Variants in CLSTN2 observed in about 807,000 individuals in gnomAD.
CLSTN2 encodes calsyntenin 2.
In CLSTN2, 48 loss-of-function variants were observed where a neutral mutation model predicts 101.2. The observed-to-expected ratio is 0.47, with a 90% confidence interval of 0.38 to 0.60. The LOEUF (loss-of-function observed/expected upper bound fraction) is 0.60. CLSTN2 is among the 20% of genes least tolerant of loss of function. CLSTN2 has a pLI of 0.00. For missense variants in CLSTN2, 1,160 were observed against 1,238.2 expected (o/e 0.94, Z 0.95); for synonymous variants, 481 against 463.6 (o/e 1.04, Z -0.48).
intron 2 of CLSTN2, among the ~76,000 whole-genome samples, chr3:140,344,343 A>G (rs1468232470): frequency 3.9e-5 from 6 of 152,330 alleles, no homozygotes; most frequent in South Asian, 2.1e-4. Context: ...ACAAGCACAC[A>G]TTAAGCCTGT....
At chr3:140,289,001 TG>T (rs2086924701) in intron 2 of CLSTN2, among the ~76,000 whole-genome samples, 1 of 152,168 alleles carries the variant, frequency 6.6e-6, no homozygotes, top group African/African-American at 2.4e-5. Flanking sequence ...GCTCTTTTGC[TG>T]CGTTGATTAT....
chr3:140,219,175 T>G (rs1232315737), intron 2 of CLSTN2, among the ~76,000 whole-genome samples: 2 of 152,070 alleles, frequency 1.3e-5, no homozygotes, highest in Non-Finnish European at 2.9e-5. Context: ...GTTGGAGACA[T>G]GTGTGCCTGC....
chr3:140,376,561 CTGA>C, intron 2 of CLSTN2, among the ~76,000 whole-genome samples: 2 of 152,330 alleles, frequency 1.3e-5, no homozygotes, highest in South Asian at 4.1e-4. Flanking sequence ...AGTCTTCCTT[CTGA>C]TAGGTAAACT....
At chr3:140,469,500 A>AATGTG (rs1933785012) in intron 8 of CLSTN2, among the ~76,000 whole-genome samples, 1 of 152,118 alleles carries the variant, frequency 6.6e-6, no homozygotes, top group Non-Finnish European at 1.5e-5. Context: ...TGATGCCCAG[A>AATGTG]ATGTGCATAC....
chr3:140,480,196 T>C (rs113112834), intron 8 of CLSTN2, among the ~76,000 whole-genome samples: 12,203 of 151,932 alleles, frequency 0.08, 633 homozygotes, highest in Non-Finnish European at 0.11. Flanking sequence ...ACATGCAGTG[T>C]TTGGTTTTTT....
intron 2 of CLSTN2, among the ~76,000 whole-genome samples, chr3:140,241,908 T>C (rs12630697): frequency 0.88 from 119,862 of 136,696 alleles, 53,426 homozygotes; most frequent in East Asian, 1. Flanking sequence ...CACACACATA[T>C]ATATATATAT....
chr3:140,566,154 A>AGAG lies in CLSTN2; in HGVS notation c.2784_2786dup (p.Glu929dup), dbSNP rs10573488. The AGAG allele has an allele frequency of 1.9e-6, 3 of 1,611,120 alleles. No homozygotes were observed. The highest frequency in any genetic ancestry group is 2.5e-6 in the Non-Finnish European group (3 of 1,177,562). On this transcript the variant is annotated inframe_insertion, in exon 17 of 17. Coordinates refer to ENST00000458420, the MANE Select transcript of CLSTN2 (RefSeq NM_022131.3). ...CCAGCAGTGGCTCTGACGACAGCGA[A>AGAG]GAGGAGGAGGAGGAGGAAGGGATGG...
intron 9 of CLSTN2, among the ~76,000 whole-genome samples, chr3:140,534,140 A>G (rs1935314786): frequency 6.6e-6 from 1 of 152,166 alleles, no homozygotes; most frequent in East Asian, 1.9e-4. Context: ...AATAACACTG[A>G]ACACAACTAT....
intron 1 of CLSTN2, among the ~76,000 whole-genome samples, chr3:140,120,496 G>A (rs959592462): frequency 7.2e-5 from 11 of 152,102 alleles, no homozygotes; most frequent in Non-Finnish European, 1.3e-4. Flanking sequence ...ATATAAGCAC[G>A]ATTGATTAAG....
At chr3:140,036,857 C>G (rs909481597) in intron 1 of CLSTN2, among the ~76,000 whole-genome samples, 1 of 152,094 alleles carries the variant, frequency 6.6e-6, no homozygotes, top group Non-Finnish European at 1.5e-5. Flanking sequence ...GATGAGGACA[C>G]ATTTACTCTA....
chr3:140,388,335 G>A (rs1380398163), intron 2 of CLSTN2, among the ~76,000 whole-genome samples: 1 of 152,214 alleles, frequency 6.6e-6, no homozygotes, highest in African/African-American at 2.4e-5. Context: ...GGAGAGCATG[G>A]CACCTTTGAT....
chr3:140,432,761 A>T (rs2088647144), intron 5 of CLSTN2, among the ~76,000 whole-genome samples: 2 of 152,238 alleles, frequency 1.3e-5, no homozygotes, highest in East Asian at 3.9e-4. Context: ...TGAGACTTGG[A>T]GGTTTTCTAG....
intron 1 of CLSTN2, among the ~76,000 whole-genome samples, chr3:140,091,172 G>A (rs996562041): frequency 2.0e-5 from 3 of 152,166 alleles, no homozygotes; most frequent in Admixed American, 1.3e-4. Context: ...CAAACATGGA[G>A]ACTGGTGCCT....
chr3:140,147,209 C>G (rs2009793350), intron 1 of CLSTN2, among the ~76,000 whole-genome samples: 1 of 152,206 alleles, frequency 6.6e-6, no homozygotes, highest in Admixed American at 6.5e-5. Flanking sequence ...GTGTGGACTA[C>G]TCACCCTAGG....
intron 8 of CLSTN2, among the ~76,000 whole-genome samples, chr3:140,516,023 G>A (rs1576607681): frequency 6.6e-6 from 1 of 152,058 alleles, no homozygotes; most frequent in South Asian, 2.1e-4. Context: ...TGCAGTGTTA[G>A]GTGCATATAT....
intron 2 of CLSTN2, among the ~76,000 whole-genome samples, chr3:140,346,086 G>A (rs542302764): frequency 1.3e-5 from 2 of 152,266 alleles, no homozygotes; most frequent in African/African-American, 4.8e-5. Context: ...GATATGGCAG[G>A]GGGTGGCACA....
At chr3:140,462,262 A>C (rs2108018099) in intron 7 of CLSTN2, among the ~76,000 whole-genome samples, 1 of 152,306 alleles carries the variant, frequency 6.6e-6, no homozygotes, top group African/African-American at 2.4e-5. Flanking sequence ...GTGATAAAAT[A>C]TTTTTAAAAA....
At chr3:140,159,693 T>C (rs1445284371) in intron 1 of CLSTN2, among the ~76,000 whole-genome samples, 1 of 152,140 alleles carries the variant, frequency 6.6e-6, no homozygotes, top group Non-Finnish European at 1.5e-5. Context: ...CAAGTCATTC[T>C]ACCAAAAAGA....
At chr3:140,295,742 C>A (rs1422581405) in intron 2 of CLSTN2, among the ~76,000 whole-genome samples, 1 of 152,014 alleles carries the variant, frequency 6.6e-6, no homozygotes, top group Admixed American at 6.5e-5. Flanking sequence ...ACGACCATTG[C>A]CTTTGGAGGT....
Sources: gnomAD v4.1 joint callset for allele counts (sites outside exome capture counted in the v4.1 genomes callset) on GRCh38, gnomAD v4.1.1 for gene constraint, MANE v1.5 for transcripts, NCBI Gene and HGNC (gene_info 2026-07-23, HGNC 2026-07-21) for gene names.